Variants in DNAH7 observed in about 807,000 individuals in gnomAD.
DNAH7 encodes axonemal beta dynein heavy chain 7.
Under a neutral mutation model 444.6 loss-of-function variants are expected in DNAH7, and 397 were observed. The observed-to-expected ratio is 0.89, with a 90% CI of 0.82 to 0.97. DNAH7 has a LOEUF of 0.97. Among genes scored for constraint, DNAH7 ranks in the 50% least tolerant of loss-of-function variants. The pLI, the probability that DNAH7 is intolerant of heterozygous loss-of-function variation, is 0.00. For synonymous variants in DNAH7, 1,636 were observed against 1,624.4 expected (o/e 1.01, Z -0.17); for missense variants, 4,902 against 4,800.8 (o/e 1.02, Z -0.62).
At position 195,990,854 on chromosome 2, in the gene DNAH7, TATATATACATATATACTTAA is replaced by T. The variant is rs1209633592; in HGVS notation, c.1354-2645_1354-2626del. 3.0e-3 allele frequency among the ~76,000 whole-genome samples: 438 copies of T among 144,980 alleles called. 3 individuals are homozygous for T. The highest frequency in any genetic ancestry group is 0.01 in the African/African-American group (414 of 39,562). On this transcript the variant is annotated intron_variant, in intron 12 of 64. Coordinates refer to ENST00000312428, the MANE Select transcript of DNAH7 (RefSeq NM_018897.3). The stretch of plus-strand genomic sequence containing the variant: ...ATATATATACATATATATACTTAAA[TATATATACATATATACTTAA>T]ATATATACATATATACTTATATACA...
In DNAH7 at chr2:195,858,617, T is replaced by C. The variant is rs374980192; in HGVS notation, c.7924A>G (p.Lys2642Glu). 5.6e-6 allele frequency: 9 copies of C among 1,613,914 alleles called. No homozygotes were observed. In the African/African-American group the frequency reaches 1.1e-4, roughly 19 times the overall value. ...ATTGTTTCATCAGCTTTCACTATTT[T>C]TTCAGTTTTGGCAACTTCTACAGAC... ...KESVEVAKTE[K>E]IVKADETIAN... Residue 2642 changes from lysine (K) to glutamate (E), a missense_variant, in exon 43 of 65, where the codon AAA (lysine) becomes GAA (glutamate). Lys to Glu is a moderately conservative substitution (Grantham distance 56). Coordinates refer to ENST00000312428, the MANE Select transcript of DNAH7 (RefSeq NM_018897.3).
At chr2:195,772,022 C>A in intron 60 of DNAH7, 132 bp from the exon 61 acceptor site, 1 of 753,040 alleles carries the variant, frequency 1.3e-6, no homozygotes, top group Non-Finnish European at 2.2e-6. Flanking sequence ...CATCTCCACA[C>A]AAGATTTATT....
At chr2:195,800,739 T>C (rs946410918) in intron 54 of DNAH7, among the ~76,000 whole-genome samples, 1 of 152,124 alleles carries the variant, frequency 6.6e-6, no homozygotes, top group South Asian at 2.1e-4. Flanking sequence ...ATGTTGTTAA[T>C]TACTCAGCCT....
At chr2:195,973,324 T>C (rs2125581198) in intron 15 of DNAH7, among the ~76,000 whole-genome samples, 1 of 152,294 alleles carries the variant, frequency 6.6e-6, no homozygotes, top group South Asian at 2.1e-4. Context: ...CTTTGTGTCA[T>C]GGAATGAAAT....
chr2:196,026,650 G>T, intron 7 of DNAH7, 110 bp downstream of exon 7: 2 of 721,470 alleles, frequency 2.8e-6, no homozygotes, highest in Non-Finnish European at 4.4e-6. Flanking sequence ...GTAAGAAATG[G>T]CATAATTATA....
At chr2:196,052,230 G>A (rs925970088) in intron 2 of DNAH7, among the ~76,000 whole-genome samples, 1 of 152,146 alleles carries the variant, frequency 6.6e-6, no homozygotes, top group Non-Finnish European at 1.5e-5. Flanking sequence ...AAGGCTTTGG[G>A]GAAGGGACGG....
chr2:196,051,306 T>G, intron 2 of DNAH7, 57 bp from the exon 3 acceptor site: 1 of 1,355,702 alleles, frequency 7.4e-7, no homozygotes. Context: ...CTAAAATTGA[T>G]TCACTGAACC....
At chr2:195,941,396 A>G (rs1056392596) in intron 19 of DNAH7, among the ~76,000 whole-genome samples, 6 of 149,932 alleles carry the variant, frequency 4.0e-5, no homozygotes, top group Non-Finnish European at 7.4e-5. Context: ...GAGGAGGGAG[A>G]GCATTAGGAC....
chr2:195,778,240 C>T (rs1330383313), intron 58 of DNAH7, among the ~76,000 whole-genome samples: 1 of 151,896 alleles, frequency 6.6e-6, no homozygotes, highest in Non-Finnish European at 1.5e-5. Flanking sequence ...TCTATTCAAC[C>T]AAAATTATTT....
chr2:195,986,360 G>A (rs946230697), intron 14 of DNAH7, among the ~76,000 whole-genome samples: 21 of 152,264 alleles, frequency 1.4e-4, no homozygotes, highest in African/African-American at 4.8e-4. Flanking sequence ...ACTTCCTTCA[G>A]GCTTCTATAC....
chr2:195,796,434 G>T (rs1205639024), intron 56 of DNAH7, 142 bp downstream of exon 56: 1 of 986,900 alleles, frequency 1.0e-6, no homozygotes, highest in Non-Finnish European at 1.5e-6. Flanking sequence ...TTTTCAATGT[G>T]AGCCTCTCTC....
At chr2:195,747,068 T>G (rs1693461869) in intron 63 of DNAH7, among the ~76,000 whole-genome samples, 1 of 152,182 alleles carries the variant, frequency 6.6e-6, no homozygotes, top group Non-Finnish European at 1.5e-5. Context: ...AGCTGGTTTT[T>G]TTGAAAGCAT....
intron 56 of DNAH7, among the ~76,000 whole-genome samples, chr2:195,796,061 CA>C (rs1164859806): frequency 1.1e-4 from 17 of 152,132 alleles, no homozygotes; most frequent in African/African-American, 4.1e-4. Context: ...CCAACCAGAA[CA>C]GGGAAGTCCC....
intron 57 of DNAH7, among the ~76,000 whole-genome samples, chr2:195,791,324 G>A (rs142914936): frequency 0.092 from 13,934 of 150,854 alleles, 722 homozygotes; most frequent in African/African-American, 0.13. Flanking sequence ...AAAATTAGCC[G>A]GGCGAGGTGG....
chr2:196,045,175 GGAAGA>G (rs1438822106), intron 5 of DNAH7, among the ~76,000 whole-genome samples: 4 of 147,666 alleles, frequency 2.7e-5, no homozygotes, highest in Non-Finnish European at 3.0e-5. Context: ...AGGAGGAGGA[GGAAGA>G]GAAGAGGAGA....
At chr2:195,930,127 G>A (rs1040178563) in intron 21 of DNAH7, among the ~76,000 whole-genome samples, 1 of 152,082 alleles carries the variant, frequency 6.6e-6, no homozygotes, top group African/African-American at 2.4e-5. Flanking sequence ...GGTGGATCAC[G>A]AGGTCAAGAG....
rs72396547 is a variant in DNAH7, at chr2:195,801,291, AAT to A, written c.10177-1821_10177-1820del. Among the ~76,000 whole-genome samples the A allele has an allele frequency of 2.4e-3, 360 of 147,926 alleles. 3 individuals are homozygous for A. The highest frequency in any genetic ancestry group is 7.2e-3 in the East Asian group (37 of 5,128). ...AAAAGTACTTTTTTTCCTGCTCTGAAATATATATATATATATATGCACAAAAT... is the reference window on the plus strand; with the variant it reads ...AAAAGTACTTTTTTTCCTGCTCTGAAATATATATATATATATGCACAAAAT... On this transcript the variant is annotated intron_variant, in intron 54 of 64. Transcript: ENST00000312428.
intron 27 of DNAH7, chr2:195,904,223 G>T (rs1257626045): frequency 1.3e-5 from 2 of 152,324 alleles, no homozygotes; most frequent in African/African-American, 2.4e-5. Flanking sequence ...GCACATGACA[G>T]AACTCAGCTA....
intron 19 of DNAH7, among the ~76,000 whole-genome samples, chr2:195,950,652 T>A (rs986132122): frequency 2.6e-5 from 4 of 151,636 alleles, no homozygotes; most frequent in Non-Finnish European, 4.4e-5. Context: ...ATCGAAACCA[T>A]CCTGGCTAAC....
Sources: allele counts gnomAD v4.1 joint callset (sites outside exome capture counted in the v4.1 genomes callset), GRCh38; gene constraint gnomAD v4.1.1; transcripts MANE v1.5; gene names NCBI Gene and HGNC (gene_info 2026-07-23, HGNC 2026-07-21).